PDK1: variants seen among roughly 807,000 people sequenced by gnomAD.
The protein encoded by PDK1 is [Pyruvate dehydrogenase (acetyl-transferring)] kinase isozyme 1, mitochondrial.
Under a neutral mutation model 54.2 loss-of-function variants are expected in PDK1, and 39 were observed. The observed-to-expected ratio is 0.72, with a 90% CI of 0.56 to 0.94. The LOEUF (loss-of-function observed/expected upper bound fraction) is 0.94, where lower values mean the gene tolerates loss of function less well. Among genes scored for constraint, PDK1 ranks in the 40% least tolerant of loss-of-function variants. The pLI is 0.00. For synonymous variants in PDK1, 221 were observed against 207.1 expected (o/e 1.07, Z -0.58); for missense variants, 552 against 566.0 (o/e 0.98, Z 0.25).
At chr2:172,722,987 A>G in the PDK1 span, among the ~76,000 whole-genome samples, 95 of 152,142 alleles carry the variant, frequency 6.2e-4, no homozygotes, top group Non-Finnish European at 1.1e-3. Flanking sequence ...GAAGGCACAC[A>G]TACTGCTTCC....
chr2:172,662,493 C>CGTGTGTATGTGTGTGT, the PDK1 span, among the ~76,000 whole-genome samples: 1 of 143,500 alleles, frequency 7.0e-6, no homozygotes, highest in Admixed American at 7.0e-5. Context: ...TTTTTAAAAT[C>CGTGTGTATGTGTGTGT]GTGTGTGTGT....
the PDK1 span, among the ~76,000 whole-genome samples, chr2:172,629,778 G>A: frequency 6.6e-6 from 1 of 152,190 alleles, no homozygotes; most frequent in South Asian, 2.1e-4. Context: ...AGGTGCTGCT[G>A]CAGGCCCGCA....
At chr2:172,620,030 G>A in the PDK1 span, among the ~76,000 whole-genome samples, 1 of 152,146 alleles carries the variant, frequency 6.6e-6, no homozygotes, top group Non-Finnish European at 1.5e-5. Context: ...CCAGGCGGTA[G>A]TGGCGTTCAC....
At chr2:172,666,926 C>G in the PDK1 span, among the ~76,000 whole-genome samples, 1 of 152,264 alleles carries the variant, frequency 6.6e-6, no homozygotes, top group East Asian at 1.9e-4. Context: ...TTTATTATAT[C>G]CTACGCAGAC....
At chr2:172,633,024 A>G in the PDK1 span, among the ~76,000 whole-genome samples, 1 of 145,786 alleles carries the variant, frequency 6.9e-6, no homozygotes, top group Non-Finnish European at 1.5e-5. Context: ...TCAAAGAAAT[A>G]TAGTATACAT....
At chr2:172,579,919 T>C (rs1186153066) in intron 8 of PDK1, among the ~76,000 whole-genome samples, 1 of 152,046 alleles carries the variant, frequency 6.6e-6, no homozygotes, top group African/African-American at 2.4e-5. Context: ...GCTTCAACTT[T>C]TTATTCTATT....
At chr2:172,569,036 C>G (rs1034908654) in intron 7 of PDK1, among the ~76,000 whole-genome samples, 1 of 152,130 alleles carries the variant, frequency 6.6e-6, no homozygotes, top group Non-Finnish European at 1.5e-5. Flanking sequence ...GGGTTTGAAT[C>G]CCAATTATGG....
chr2:172,662,519 T>TGTGTGTGTGTGTGTGTGTGTGTGA, the PDK1 span, among the ~76,000 whole-genome samples: 1 of 151,560 alleles, frequency 6.6e-6, no homozygotes, highest in Non-Finnish European at 1.5e-5. Context: ...TGTGTGTGTG[T>TGTGTGTGTGTGTGTGTGTGTGTGA]AAAAGAGCAT....
chr2:172,680,836 A>C, the PDK1 span, among the ~76,000 whole-genome samples: 1 of 152,258 alleles, frequency 6.6e-6, no homozygotes, highest in Non-Finnish European at 1.5e-5. Flanking sequence ...AGAGAGCTTA[A>C]GGCAGATCTC....
chr2:172,580,014 T>C (rs928669092), intron 8 of PDK1, among the ~76,000 whole-genome samples: 1 of 152,216 alleles, frequency 6.6e-6, no homozygotes, highest in Admixed American at 6.5e-5. Context: ...AGAATCCTTA[T>C]TTTTAAAATT....
At position 172,586,259 on chromosome 2, in the gene PDK1, G is replaced by T. The variant is rs755170726; in HGVS notation, c.946-19G>T. On this transcript the variant is annotated intron_variant, in intron 8 of 10. Transcript: ENST00000282077. ...TTTTGAGGATTTGGGCATAGAGCAC[G>T]ATCCTTTTCTTACCTTAGATGAGTG... 1.1e-5 allele frequency: 17 copies of T among 1,506,540 alleles called. No homozygotes were observed. In the South Asian group the frequency reaches 1.8e-4, roughly 16 times the overall value. 93.3% of individuals were successfully genotyped at this position (1,506,540 alleles called of 1,614,324 possible).
chr2:172,643,840 A>C, the PDK1 span, among the ~76,000 whole-genome samples: 1 of 152,190 alleles, frequency 6.6e-6, no homozygotes, highest in Non-Finnish European at 1.5e-5. Context: ...TGAAGAACAG[A>C]GTACATTTGA....
the PDK1 span, among the ~76,000 whole-genome samples, chr2:172,619,482 G>A: frequency 1.5e-5 from 2 of 137,912 alleles, no homozygotes; most frequent in South Asian, 2.4e-4. Context: ...TTATCTCTAG[G>A]CCTAGCTTTT....
chr2:172,653,486 C>G, the PDK1 span, among the ~76,000 whole-genome samples: 15 of 152,030 alleles, frequency 9.9e-5, no homozygotes, highest in African/African-American at 2.7e-4. Context: ...ACCTGTAATC[C>G]TGGCTACTTG....
chr2:172,622,633 G>GTGAGATATGTTTATATCTCA, the PDK1 span, among the ~76,000 whole-genome samples: 17 of 137,726 alleles, frequency 1.2e-4, no homozygotes, highest in Non-Finnish European at 1.7e-4. Context: ...ATCTCATTAT[G>GTGAGATATGTTTATATCTCA]TGAGATATGT....
chr2:172,619,624 A>G, the PDK1 span, among the ~76,000 whole-genome samples: 7 of 152,328 alleles, frequency 4.6e-5, no homozygotes, highest in South Asian at 1.0e-3. Flanking sequence ...TAAAAAATTC[A>G]GAGAAGGATT....
At chr2:172,612,449 G>T (rs1173123519), downstream of PDK1, among the ~76,000 whole-genome samples, 1 of 151,908 alleles carries the variant, frequency 6.6e-6, no homozygotes, top group African/African-American at 2.4e-5. Context: ...ATGTCAAGAG[G>T]TTTTTTACAT....
chr2:172,647,236 G>A, the PDK1 span, among the ~76,000 whole-genome samples: 1 of 152,124 alleles, frequency 6.6e-6, no homozygotes, highest in African/African-American at 2.4e-5. Context: ...GCCCACATCA[G>A]ACTTGCTAAA....
intron 10 of PDK1, 69 bp downstream of exon 10, chr2:172,593,117 T>C: frequency 1.2e-6 from 1 of 803,308 alleles, no homozygotes; most frequent in Non-Finnish European, 2.1e-6. Flanking sequence ...TACTTAACTG[T>C]AATGAAATTT....
Sources: allele counts gnomAD v4.1 joint callset (sites outside exome capture counted in the v4.1 genomes callset), GRCh38; gene constraint gnomAD v4.1.1; transcripts MANE v1.5; gene names NCBI Gene and HGNC (gene_info 2026-07-23, HGNC 2026-07-21).